Variants in DLGAP4 observed in about 807,000 individuals in gnomAD.
DLGAP4 encodes the protein DLG associated protein 4, also known as disks large-associated protein 4.
A neutral mutation model predicts 86.9 loss-of-function variants in DLGAP4; 18 were observed. That is an observed-to-expected ratio of 0.21 (90% CI 0.14 to 0.31). The LOEUF (loss-of-function observed/expected upper bound fraction) is 0.31. Ranked by LOEUF, DLGAP4 falls within the 10% of genes least tolerant of loss-of-function variation. The pLI is 1.00. For missense variants in DLGAP4, 1,085 were observed against 1,362.6 expected (o/e 0.80, Z 3.21); for synonymous variants, 548 against 574.3 (o/e 0.95, Z 0.65).
chr20:36,411,357 G>A lies in DLGAP4; in HGVS notation c.-72-20289G>A, dbSNP rs117374704. Among the ~76,000 whole-genome samples, 639 of 152,244 alleles carry A rather than the reference G, an allele frequency of 4.2e-3. 6 individuals are homozygous for A. Among genetic ancestry groups the A allele is most frequent in the Middle Eastern group, 6.8e-3 (2 of 294 alleles). On this transcript the variant is annotated intron_variant, in intron 2 of 12. Coordinates refer to ENST00000339266, the MANE Select transcript of DLGAP4 (RefSeq NM_001365621.2). ...CAAATCAGACAGATGCCCTGACCCC[G>A]TTCTGCCCCTTGCTGTGTTCACTTT...
rs1334877639 is a variant in DLGAP4 at position 36,331,795 on chromosome 20, A to G, written c.-304+25283A>G. Among the ~76,000 whole-genome samples the G allele has an allele frequency of 5.3e-5, 8 of 152,170 alleles. No homozygotes were observed. In the East Asian group the frequency reaches 1.2e-3, roughly 22 times the overall value. Reference sequence around the variant, plus strand: ...CTGTGATGGAGAGCAGCAGGGTGACAGGTGTCTGCTGGGGTGGTCAGGGAG... The same window carrying G: ...CTGTGATGGAGAGCAGCAGGGTGACGGGTGTCTGCTGGGGTGGTCAGGGAG... On this transcript the variant is annotated intron_variant, in intron 1 of 12. Transcript: ENST00000339266.
At chr20:36,462,069 G>A in intron 7 of DLGAP4, 3 of 990,144 alleles carry the variant, frequency 3.0e-6, no homozygotes, top group Non-Finnish European at 3.6e-6. Flanking sequence ...ACATCCTTTG[G>A]GGGTTCTGCA....
At chr20:36,339,368 G>A (rs551319050) in intron 1 of DLGAP4, among the ~76,000 whole-genome samples, 5 of 151,844 alleles carry the variant, frequency 3.3e-5, no homozygotes, top group Admixed American at 6.6e-5. Context: ...GATTACAGGC[G>A]TGAGCCACTG....
chr20:36,415,610 C>A (rs576638442), intron 2 of DLGAP4, among the ~76,000 whole-genome samples: 3 of 152,160 alleles, frequency 2.0e-5, no homozygotes, highest in East Asian at 1.9e-4. Context: ...TCCCAACAAC[C>A]CTTTGAGGAC....
In DLGAP4 at chr20:36,446,399, T is replaced by C. The variant is rs535724497; in HGVS notation, c.1408-298T>C. Among the ~76,000 whole-genome samples the C allele has an allele frequency of 2.6e-5, 4 of 152,362 alleles. No homozygotes were observed. The South Asian group carries it at 6.2e-4, about 24-fold the overall frequency. On this transcript the variant is annotated intron_variant, in intron 6 of 12. Transcript: ENST00000339266. The stretch of plus-strand genomic sequence containing the variant: ...AGACCTCTTTCACACTAAATTCAGA[T>C]GTGACCTTGAAATCTATTAATCAGT...
chr20:36,454,791 G>A (rs2033837541), intron 7 of DLGAP4, among the ~76,000 whole-genome samples: 1 of 152,210 alleles, frequency 6.6e-6, no homozygotes, highest in African/African-American at 2.4e-5. Context: ...GAGGCAGTGA[G>A]AGCCCCTCTC....
chr20:36,453,277 G>A (rs2033788285), intron 7 of DLGAP4, among the ~76,000 whole-genome samples: 1 of 152,200 alleles, frequency 6.6e-6, no homozygotes, highest in Admixed American at 6.5e-5. Context: ...GCAACATAGT[G>A]AGACTCCATC....
At chr20:36,339,004 C>T (rs530075919) in intron 1 of DLGAP4, among the ~76,000 whole-genome samples, 6 of 152,336 alleles carry the variant, frequency 3.9e-5, no homozygotes, top group South Asian at 2.1e-4. Flanking sequence ...GGGGACTCAG[C>T]GGCTCTCTCG....
chr20:36,372,222 G>T (rs2147425465), intron 2 of DLGAP4, among the ~76,000 whole-genome samples: 1 of 152,354 alleles, frequency 6.6e-6, no homozygotes, highest in Non-Finnish European at 1.5e-5. Flanking sequence ...TGCTGCTGCT[G>T]TTATGACTGT....
At chr20:36,315,643 G>T (rs1031755233) in intron 1 of DLGAP4, among the ~76,000 whole-genome samples, 7 of 152,122 alleles carry the variant, frequency 4.6e-5, no homozygotes, top group Non-Finnish European at 2.9e-5. Flanking sequence ...CATTCCTGAG[G>T]CCCTGCAGCA....
In DLGAP4 at chr20:36,432,115, G is replaced by T. The variant is rs1453264812; in HGVS notation, c.398G>T (p.Gly133Val). The T allele has an allele frequency of 6.2e-7, 1 of 1,614,084 alleles. No individual in the cohort carries two copies. Among genetic ancestry groups the T allele is most frequent in the Admixed American group, 1.7e-5 (1 of 60,012 alleles). Residue 133 changes from glycine to valine, a missense_variant, in exon 3 of 13, where the codon GGT (glycine) becomes GTT (valine). Gly to Val is a moderately radical substitution (Grantham distance 109). Around this residue, in one of 2 missense-constraint regions of DLGAP4, gnomAD observed 1,082 missense variants for 1,344.1 expected, o/e 0.81. Coordinates refer to ENST00000339266, the MANE Select transcript of DLGAP4 (RefSeq NM_001365621.2). This position sits in a 1 kb window ranked among gnomAD's most constrained non-coding sequence, Gnocchi z 6.5. The stretch of plus-strand genomic sequence containing the variant: ...CCCCGTGGCGAGGCCAAGGCCCGTG[G>T]TGAGAGCCCTGGCCGCATCCGCCAC... Reference protein sequence around the residue: ...QFPRGEAKARGESPGRIRHLV... With the variant: ...QFPRGEAKARVESPGRIRHLV...
intron 7 of DLGAP4, chr20:36,462,090 C>T (rs2034110273): frequency 1.2e-5 from 12 of 993,354 alleles, no homozygotes; most frequent in Middle Eastern, 5.1e-4. Context: ...CCCCAAGTCG[C>T]TGGGGTCTCG....
rs575594623 is a variant in DLGAP4, at chr20:36,526,412, C to T, written c.2761-401C>T. On this transcript the variant is annotated intron_variant, in intron 12 of 12. Transcript: ENST00000339266. The stretch of plus-strand genomic sequence containing the variant: ...TGAGGCTTCCTTCTGCAAACCAGAA[C>T]CAGTGACCCCTGTTGAACCGTGGCC... Among the ~76,000 whole-genome samples the T allele has an allele frequency of 5.3e-5, 8 of 152,230 alleles. No individual in the cohort carries two copies. The South Asian group carries it at 1.7e-3, about 32-fold the overall frequency.
At chr20:36,481,070 G>A (rs1472099510) in intron 7 of DLGAP4, among the ~76,000 whole-genome samples, 1 of 152,188 alleles carries the variant, frequency 6.6e-6, no homozygotes, top group Non-Finnish European at 1.5e-5. Flanking sequence ...TCCAGAACTG[G>A]ATGTAAAGTA....
chr20:36,502,532 T>C (rs2036190475), intron 10 of DLGAP4, among the ~76,000 whole-genome samples: 1 of 150,310 alleles, frequency 6.7e-6, no homozygotes, highest in Non-Finnish European at 1.5e-5. Context: ...TAAATTTTTT[T>C]GTAGGGACAA....
chr20:36,448,022 TTAAG>T (rs1173343633), intron 7 of DLGAP4, among the ~76,000 whole-genome samples: 1 of 120,922 alleles, frequency 8.3e-6, no homozygotes, highest in Non-Finnish European at 1.7e-5. Context: ...GTATACCTTA[TTAAG>T]TATTATTAAG....
intron 2 of DLGAP4, among the ~76,000 whole-genome samples, chr20:36,386,944 T>C (rs1418969314): frequency 6.6e-6 from 1 of 152,256 alleles, no homozygotes; most frequent in Non-Finnish European, 1.5e-5. Flanking sequence ...TGTAGCTCGT[T>C]CATTTTTTCT....
intron 1 of DLGAP4, among the ~76,000 whole-genome samples, chr20:36,311,298 AG>A (rs2065051471): frequency 1.3e-4 from 20 of 152,074 alleles, no homozygotes. Flanking sequence ...GGCAGCGTTT[AG>A]GGGCTTCTCA....
intron 1 of DLGAP4, among the ~76,000 whole-genome samples, chr20:36,315,356 C>T (rs1234112767): frequency 1.3e-5 from 2 of 151,806 alleles, no homozygotes; most frequent in African/African-American, 2.4e-5. Context: ...TGGTGCGGTG[C>T]GGGGACAGCA....
Sources: allele counts gnomAD v4.1 joint callset (sites outside exome capture counted in the v4.1 genomes callset), GRCh38; gene constraint gnomAD v4.1.1; regional missense constraint gnomAD v4.1.1; non-coding constraint Gnocchi (gnomAD v3.1); transcripts MANE v1.5; gene names NCBI Gene and HGNC (gene_info 2026-07-23, HGNC 2026-07-21).